Variants in IGBP1C observed in about 807,000 individuals in gnomAD.
The protein encoded by IGBP1C is immunoglobulin-binding protein 1 family member C.
the IGBP1C span, among the ~76,000 whole-genome samples, chr17:58,672,053 T>C: frequency 3.3e-5 from 5 of 152,178 alleles, no homozygotes; most frequent in Non-Finnish European, 5.9e-5. Flanking sequence ...GATGAAACTG[T>C]TCCACCTCAG....
At chr17:58,660,820 G>C in the IGBP1C span, 1 of 782,816 alleles carries the variant, frequency 1.3e-6, no homozygotes, top group Non-Finnish European at 2.4e-6. Context: ...GACTTGGATA[G>C]CCAGCGCCAA....
At chr17:58,679,659 T>C in the IGBP1C span, 2 of 152,240 alleles carry the variant, frequency 1.3e-5, no homozygotes, top group African/African-American at 2.4e-5. Flanking sequence ...CCACCTTTAA[T>C]GATCATGTTA....
At chr17:58,685,026 TAA>T in the IGBP1C span, among the ~76,000 whole-genome samples, 1 of 152,134 alleles carries the variant, frequency 6.6e-6, no homozygotes, top group African/African-American at 2.4e-5. Context: ...AATTAAAAAT[TAA>T]AAAAGATTCA....
chr17:58,687,437 C>T, the IGBP1C span, among the ~76,000 whole-genome samples: 1 of 152,080 alleles, frequency 6.6e-6, no homozygotes, highest in Non-Finnish European at 1.5e-5. Flanking sequence ...CCCATAGGTC[C>T]GTGCGGGTTA....
the IGBP1C span, among the ~76,000 whole-genome samples, chr17:58,691,222 T>C: frequency 6.6e-6 from 1 of 152,142 alleles, no homozygotes; most frequent in Non-Finnish European, 1.5e-5. Context: ...TTATCTTCCT[T>C]TTGGCATGGC....
chr17:58,687,165 T>G, the IGBP1C span, among the ~76,000 whole-genome samples: 1 of 152,084 alleles, frequency 6.6e-6, no homozygotes, highest in Admixed American at 6.6e-5. Flanking sequence ...TGACAGAAGA[T>G]TTGCTGGAGG....
chr17:58,666,931 T>C, the IGBP1C span, among the ~76,000 whole-genome samples: 1 of 152,212 alleles, frequency 6.6e-6, no homozygotes, highest in South Asian at 2.1e-4. Flanking sequence ...ACGTCATGCA[T>C]AGGCCTGGCT....
At chr17:58,662,933 C>T in the IGBP1C span, among the ~76,000 whole-genome samples, 1 of 151,302 alleles carries the variant, frequency 6.6e-6, no homozygotes, top group African/African-American at 2.4e-5. Context: ...TGGTGAAACC[C>T]CGTCTCTACT....
At chr17:58,685,956 C>T in the IGBP1C span, among the ~76,000 whole-genome samples, 16 of 148,418 alleles carry the variant, frequency 1.1e-4, no homozygotes, top group African/African-American at 4.0e-4. Flanking sequence ...GATCACACCA[C>T]CGCACTCCAG....
At chr17:58,683,565 C>G in the IGBP1C span, among the ~76,000 whole-genome samples, 2 of 144,634 alleles carry the variant, frequency 1.4e-5, no homozygotes, top group African/African-American at 5.2e-5. Context: ...GAGTTCAAGA[C>G]CAGCCTGGTC....
the IGBP1C span, among the ~76,000 whole-genome samples, chr17:58,670,796 A>AAAAAAAAAAAAAAAT: frequency 6.6e-6 from 1 of 151,204 alleles, no homozygotes; most frequent in African/African-American, 2.4e-5. Flanking sequence ...AAAAAAAAAA[A>AAAAAAAAAAAAAAAT]AAAAGTGACT....
chr17:58,663,751 A>G, the IGBP1C span, among the ~76,000 whole-genome samples: 2 of 152,138 alleles, frequency 1.3e-5, no homozygotes, highest in Non-Finnish European at 2.9e-5. Flanking sequence ...TACAGGCATG[A>G]GCCAATGTGC....
At chr17:58,661,981 G>A in the IGBP1C span, among the ~76,000 whole-genome samples, 1 of 152,006 alleles carries the variant, frequency 6.6e-6, no homozygotes, top group East Asian at 1.9e-4. Context: ...GACCCCCAAA[G>A]TGACTTTGCC....
At chr17:58,660,636 A>C in the IGBP1C span, 1 of 788,930 alleles carries the variant, frequency 1.3e-6, no homozygotes, top group Non-Finnish European at 2.3e-6. Context: ...CAGTCATCCC[A>C]CTCTCGAGCT....
At chr17:58,666,333 G>C in the IGBP1C span, among the ~76,000 whole-genome samples, 3 of 151,614 alleles carry the variant, frequency 2.0e-5, no homozygotes, top group African/African-American at 7.3e-5. Flanking sequence ...GGAAAATAGA[G>C]CAAGACTGTG....
chr17:58,661,271 T>A, the IGBP1C span: 3 of 802,798 alleles, frequency 3.7e-6, no homozygotes, highest in East Asian at 7.3e-5. Flanking sequence ...TTTTATAAAG[T>A]GTTCGCGAGC....
chr17:58,660,754 T>C, the IGBP1C span: 9 of 781,320 alleles, frequency 1.2e-5, no homozygotes, highest in South Asian at 6.7e-5. Flanking sequence ...CCTGATCTGG[T>C]AACACTCCAT....
the IGBP1C span, among the ~76,000 whole-genome samples, chr17:58,684,625 T>C: frequency 7.1e-6 from 1 of 141,666 alleles, no homozygotes; most frequent in South Asian, 2.3e-4. Context: ...AGTGAGACCC[T>C]GTCTCAAATA....
the IGBP1C span, among the ~76,000 whole-genome samples, chr17:58,670,771 TTAAAAAAA>T: frequency 7.5e-3 from 60 of 7,950 alleles, 1 homozygote; most frequent in African/African-American, 0.023. Context: ...AGACTCCCTC[TTAAAAAAA>T]AAAAAAAAAA....
Sources: allele counts gnomAD v4.1 joint callset (sites outside exome capture counted in the v4.1 genomes callset), GRCh38; gene constraint gnomAD v4.1.1; transcripts MANE v1.5; gene names NCBI Gene and HGNC (gene_info 2026-07-23, HGNC 2026-07-21).